Variants in KAZN observed in about 807,000 individuals in gnomAD.
KAZN encodes the protein kazrin.
A neutral mutation model predicts 87.4 loss-of-function variants in KAZN; 40 were observed. The observed-to-expected ratio is 0.46, with a 90% CI of 0.36 to 0.60. KAZN has a LOEUF of 0.60. Among genes scored for constraint, KAZN ranks in the 20% least tolerant of loss-of-function variants. The probability of loss-of-function intolerance (pLI) is 0.00; values close to 1 mark genes in which losing one functional copy is unlikely to be tolerated. For missense variants in KAZN, 898 were observed against 1,073.9 expected (o/e 0.84, Z 2.29); for synonymous variants, 466 against 458.3 (o/e 1.02, Z -0.22).
chr1:14,947,231 C>T (rs1027961265), intron 1 of KAZN, among the ~76,000 whole-genome samples: 1 of 152,202 alleles, frequency 6.6e-6, no homozygotes, highest in African/African-American at 2.4e-5. Flanking sequence ...GCGCGGCCTT[C>T]CTTCTTTTTC....
At chr1:14,313,308 C>T (rs1467071040) in intron 2 of KAZN, among the ~76,000 whole-genome samples, 3 of 152,134 alleles carry the variant, frequency 2.0e-5, no homozygotes, top group African/African-American at 7.2e-5. Flanking sequence ...TAAATAGAAT[C>T]ATGTGTACTC....
intron 2 of KAZN, among the ~76,000 whole-genome samples, chr1:14,341,774 A>G (rs2993797): frequency 0.4 from 60,342 of 151,842 alleles, 12,745 homozygotes; most frequent in African/African-American, 0.54. Flanking sequence ...AATACTCACT[A>G]CTTCCTGGCA....
rs1029483862 is a variant in KAZN, at chr1:14,739,406, C to A, written c.226+140183C>A. ...TGGCATCGGAAGTACAAGCAAGAGA[C>A]GGGCAGTGTCCTGTGGTGGATTTCC... is the stretch of plus-strand genomic sequence containing the variant. On this transcript the variant is annotated intron_variant, in intron 1 of 14. Transcript: ENST00000376030. 1.6e-4 allele frequency among the ~76,000 whole-genome samples: 25 copies of A among 152,000 alleles called. 1 individual carries two copies. Among genetic ancestry groups the A allele is most frequent in the Admixed American group, 1.5e-3 (23 of 15,264 alleles).
intron 2 of KAZN, among the ~76,000 whole-genome samples, chr1:15,015,683 C>T (rs1032925951): frequency 1.3e-5 from 2 of 152,180 alleles, no homozygotes; most frequent in Admixed American, 6.5e-5. Context: ...AGGCTGGTCA[C>T]CCCTTTCTGG....
At chr1:14,985,176 G>A (rs114763266) in intron 2 of KAZN, among the ~76,000 whole-genome samples, 2,278 of 150,032 alleles carry the variant, frequency 0.015, 57 homozygotes, top group African/African-American at 0.053. Context: ...AGGAAGAGAA[G>A]AGATGAATGC....
chr1:14,864,189 G>T (rs1264111458), intron 1 of KAZN, among the ~76,000 whole-genome samples: 1 of 152,300 alleles, frequency 6.6e-6, no homozygotes, highest in South Asian at 2.1e-4. Flanking sequence ...TCTTTACAAG[G>T]TGAATGTTAA....
At chr1:14,522,138 A>G (rs565623387) in intron 2 of KAZN, among the ~76,000 whole-genome samples, 1 of 152,194 alleles carries the variant, frequency 6.6e-6, no homozygotes, top group African/African-American at 2.4e-5. Context: ...CCTTTTGCCA[A>G]TGAGCTTTTC....
chr1:14,655,560 T>C (rs368964487), intron 1 of KAZN, among the ~76,000 whole-genome samples: 1 of 152,212 alleles, frequency 6.6e-6, no homozygotes. Flanking sequence ...CCGTCAGAAT[T>C]GCCTTCTCCA....
chr1:14,296,226 T>C (rs2100762959), intron 2 of KAZN, among the ~76,000 whole-genome samples: 1 of 152,336 alleles, frequency 6.6e-6, no homozygotes, highest in East Asian at 1.9e-4. Context: ...CATCACTGCA[T>C]GTGGGTCAAC....
At chr1:14,211,571 G>C (rs191809414) in intron 2 of KAZN, among the ~76,000 whole-genome samples, 64 of 152,256 alleles carry the variant, frequency 4.2e-4, no homozygotes, top group African/African-American at 1.5e-3. Context: ...GGGAAGATAA[G>C]ACTGGGAAAT....
At chr1:14,319,038 A>G (rs1454489770) in intron 2 of KAZN, among the ~76,000 whole-genome samples, 1 of 146,990 alleles carries the variant, frequency 6.8e-6, no homozygotes, top group East Asian at 2.0e-4. Context: ...TTATTTATTT[A>G]TTTATTTATT....
intron 1 of KAZN, among the ~76,000 whole-genome samples, chr1:14,774,702 C>T (rs913396342): frequency 1.1e-4 from 17 of 152,156 alleles, no homozygotes; most frequent in Admixed American, 1.1e-3. Context: ...CCAGGCTGGT[C>T]TTGAACTCCT....
chr1:14,941,071 A>G (rs1661022023), intron 1 of KAZN, among the ~76,000 whole-genome samples: 1 of 151,564 alleles, frequency 6.6e-6, no homozygotes, highest in Non-Finnish European at 1.5e-5. Flanking sequence ...GAGCGCCGCC[A>G]CACCCAGCTA....
chr1:14,443,701 T>G (rs1430176021), intron 2 of KAZN, among the ~76,000 whole-genome samples: 4 of 152,196 alleles, frequency 2.6e-5, no homozygotes, highest in Non-Finnish European at 4.4e-5. Flanking sequence ...CTCTCGAGCC[T>G]CCCACAGGGA....
At chr1:13,971,989 A>G (rs1642154166) in intron 1 of KAZN, among the ~76,000 whole-genome samples, 1 of 152,150 alleles carries the variant, frequency 6.6e-6, no homozygotes, top group Non-Finnish European at 1.5e-5. Context: ...CAGAACCATG[A>G]GCCAGTTAAA....
intron 1 of KAZN, among the ~76,000 whole-genome samples, chr1:14,804,015 A>T (rs920217025): frequency 6.6e-6 from 1 of 152,170 alleles, no homozygotes; most frequent in Non-Finnish European, 1.5e-5. Context: ...CCCTCTTCTC[A>T]GCCTCTTGCC....
intron 1 of KAZN, among the ~76,000 whole-genome samples, chr1:14,158,320 A>G (rs1343148787): frequency 2.0e-5 from 3 of 151,350 alleles, no homozygotes; most frequent in Non-Finnish European, 4.4e-5. Context: ...TTCCTCTGTC[A>G]GTGTATTTTC....
intron 2 of KAZN, among the ~76,000 whole-genome samples, chr1:14,480,728 A>T (rs1030064525): frequency 6.9e-6 from 1 of 145,696 alleles, no homozygotes. Flanking sequence ...CAGATACATA[A>T]ATTACATATA....
chr1:14,259,745 C>T (rs918436097), intron 2 of KAZN, among the ~76,000 whole-genome samples: 3 of 152,200 alleles, frequency 2.0e-5, no homozygotes, highest in Non-Finnish European at 2.9e-5. Context: ...GGGCTAGACA[C>T]ACAGCAGCTG....
Sources: allele counts gnomAD v4.1 joint callset (sites outside exome capture counted in the v4.1 genomes callset), GRCh38; gene constraint gnomAD v4.1.1; transcripts MANE v1.5; gene names NCBI Gene and HGNC (gene_info 2026-07-23, HGNC 2026-07-21).